Variants in BCHE observed in about 807,000 individuals in gnomAD.
BCHE encodes cholinesterase.
Under a neutral mutation model 51.3 loss-of-function variants are expected in BCHE, and 48 were observed. The observed-to-expected ratio is 0.94, with a 90% confidence interval of 0.74 to 1.19. BCHE has a LOEUF of 1.19. Among genes scored for constraint, BCHE ranks in the 50% most tolerant of loss-of-function variants. The pLI, the probability that BCHE is intolerant of heterozygous loss-of-function variation, is 0.00. For missense variants in BCHE, 847 were observed against 708.2 expected (o/e 1.20, Z -2.23); for synonymous variants, 251 against 238.0 (o/e 1.05, Z -0.50).
intron 2 of BCHE, among the ~76,000 whole-genome samples, chr3:165,798,741 T>G (rs1381354314): frequency 1.3e-5 from 2 of 152,158 alleles, no homozygotes; most frequent in Non-Finnish European, 2.9e-5. Flanking sequence ...CCTAGCTACT[T>G]GGGAAGCTGG....
Position 165,830,282 on chromosome 3 carries a change from T to C in BCHE, c.752A>G (p.Gln251Arg). 6.2e-7 allele frequency: 1 copy of C among 1,614,020 alleles called. No individual in the cohort carries two copies. The highest frequency in any genetic ancestry group is 8.5e-7 in the Non-Finnish European group (1 of 1,179,936). Reference sequence around the variant, plus strand: ...CCAAGGAGCATTAAAGGATCCACTTTGCAGAATGGCTCTGGTGAACAATGA... The same window carrying C: ...CCAAGGAGCATTAAAGGATCCACTTCGCAGAATGGCTCTGGTGAACAATGA... ...SHSLFTRAIL[Q>R]SGSFNAPWAV... Residue 251 changes from glutamine to arginine, a missense_variant, in exon 2 of 4, where the codon CAA (glutamine) becomes CGA (arginine). Coordinates refer to ENST00000264381, the MANE Select transcript of BCHE (RefSeq NM_000055.4).
chr3:165,835,837 T>G (rs1715169292), intron 1 of BCHE, among the ~76,000 whole-genome samples: 1 of 151,944 alleles, frequency 6.6e-6, no homozygotes, highest in African/African-American at 2.4e-5. Context: ...ATTTCTTGAG[T>G]CTTCTCTGAA....
At chr3:165,792,475 C>G (rs151233501) in intron 2 of BCHE, among the ~76,000 whole-genome samples, 37 of 152,072 alleles carry the variant, frequency 2.4e-4, no homozygotes, top group African/African-American at 8.9e-4. Context: ...TCATAAAACT[C>G]AAATACTAGA....
Position 165,829,781 on chromosome 3 carries a change from C to T in BCHE, c.1253G>A (p.Gly418Asp), listed in dbSNP as rs28933390. 6.2e-7 allele frequency: 1 copy of T among 1,613,904 alleles called. No homozygotes were observed. Among genetic ancestry groups the T allele is most frequent in the Non-Finnish European group, 8.5e-7 (1 of 1,179,896 alleles). Reference protein sequence around the residue: ...QRPENYREALGDVVGDYNFIC... With the variant: ...QRPENYREALDDVVGDYNFIC... The stretch of plus-strand genomic sequence containing the variant: ...GAAATTATAATCCCCAACAACATCA[C>T]CCAAGGCCTCACGGTAGTTTTCAGG... Residue 418 changes from glycine to aspartate, a missense_variant, in exon 2 of 4, where the codon GGT (glycine) becomes GAT (aspartate). Gly to Asp is a moderately conservative substitution (Grantham distance 94, BLOSUM62 -1). Transcript: ENST00000264381.
chr3:165,799,711 T>G (rs1713564425), intron 2 of BCHE, among the ~76,000 whole-genome samples: 1 of 152,122 alleles, frequency 6.6e-6, no homozygotes, highest in Non-Finnish European at 1.5e-5. Context: ...CATTGAACAT[T>G]GAATTTGTAA....
intron 2 of BCHE, among the ~76,000 whole-genome samples, chr3:165,790,020 G>C (rs1190205764): frequency 6.6e-6 from 1 of 152,088 alleles, no homozygotes. Flanking sequence ...ATAAAATGAG[G>C]ACTGGGGATA....
At chr3:165,786,416 C>G in intron 2 of BCHE, 105 bp from the exon 3 acceptor site, 3 of 1,138,046 alleles carry the variant, frequency 2.6e-6, no homozygotes, top group Non-Finnish European at 3.7e-6. Context: ...GAATTTAAGA[C>G]AGAAAAAATG....
intron 3 of BCHE, 70 bp downstream of exon 3, chr3:165,786,075 G>T: frequency 6.6e-7 from 1 of 1,508,618 alleles, no homozygotes; most frequent in Non-Finnish European, 9.2e-7. Context: ...GTGCCTTGGA[G>T]AGTATACTTC....
chr3:165,797,588 G>T (rs1713466912), intron 2 of BCHE, among the ~76,000 whole-genome samples: 1 of 151,716 alleles, frequency 6.6e-6, no homozygotes, highest in African/African-American at 2.4e-5. Context: ...TCAAATAATG[G>T]CACTAGAACA....
chr3:165,805,595 C>CCATG (rs1713836801), intron 2 of BCHE, among the ~76,000 whole-genome samples: 2 of 152,126 alleles, frequency 1.3e-5, no homozygotes, highest in Admixed American at 1.3e-4. Flanking sequence ...CATGTCTCTT[C>CCATG]ATATGATTCT....
chr3:165,794,481 G>A (rs1386231177), intron 2 of BCHE, among the ~76,000 whole-genome samples: 1 of 152,094 alleles, frequency 6.6e-6, no homozygotes, highest in Non-Finnish European at 1.5e-5. Context: ...CAAGGCATTG[G>A]CAACTTTGGT....
At position 165,829,856 on chromosome 3, in the gene BCHE, C is replaced by T. The variant is rs747438953; in HGVS notation, c.1178G>A (p.Gly393Glu). 6 of 1,612,654 alleles carry T rather than the reference C, an allele frequency of 3.7e-6. No homozygotes were observed. The highest frequency in any genetic ancestry group is 3.3e-5 in the South Asian group (3 of 90,936). Reference sequence around the variant, plus strand: ...GTAATGAAAAAGGATGGATTCCTTTCCAAACTCACTCACTCCTGGAAAAAA... The same window carrying T: ...GTAATGAAAAAGGATGGATTCCTTTTCAAACTCACTCACTCCTGGAAAAAA... ...KIFFPGVSEF[G>E]KESILFHYTD... The change falls in exon 2 of 4, where the codon GGA becomes GAA. Residue 393 changes from glycine to glutamate, a missense_variant. Physicochemically the swap from Gly to Glu is moderately conservative, Grantham distance 98. Transcript: ENST00000264381.
At chr3:165,832,540 C>A (rs1316173443) in intron 1 of BCHE, among the ~76,000 whole-genome samples, 2 of 152,138 alleles carry the variant, frequency 1.3e-5, no homozygotes, top group Non-Finnish European at 2.9e-5. Flanking sequence ...GATCCACTTA[C>A]CTCGGCCTCC....
In BCHE at chr3:165,830,551, C is replaced by T. The variant is rs779779259; in HGVS notation, c.483G>A (p.Leu161=). The part of the protein sequence containing the change: ...SSLHVYDGKF[L]ARVERVIVVS... ...CTACAATAACTCTTTCAACCCGAGC[C>T]AGAAACTTGCCATCATAAACATGTA... The change falls in exon 2 of 4, where the codon CTG becomes CTA. Residue 161 remains leucine (L), a synonymous_variant. Coordinates refer to ENST00000264381, the MANE Select transcript of BCHE (RefSeq NM_000055.4). The T allele has an allele frequency of 6.2e-7, 1 of 1,613,966 alleles. No homozygotes were observed. The highest frequency in any genetic ancestry group is 2.2e-5 in the East Asian group (1 of 44,864).
At position 165,810,700 on chromosome 3, in the gene BCHE, C is replaced by T. The variant is rs533290578; in HGVS notation, c.1517+18817G>A. ...GGGCTATCTGGAGAATTAAGTTCCT[C>T]CATTTGAAATGAATGGTAAGTTTTT... On this transcript the variant is annotated intron_variant, in intron 2 of 3. Transcript: ENST00000264381. Among the ~76,000 whole-genome samples the T allele has an allele frequency of 1.3e-3, 199 of 152,224 alleles. 1 individual carries two copies. Among genetic ancestry groups the T allele is most frequent in the African/African-American group, 4.5e-3 (187 of 41,550 alleles).
At chr3:165,799,996 C>G (rs1713574725) in intron 2 of BCHE, among the ~76,000 whole-genome samples, 1 of 135,876 alleles carries the variant, frequency 7.4e-6, no homozygotes, top group South Asian at 2.5e-4. Context: ...TCCCATTTAG[C>G]CTTCAATTAT....
chr3:165,798,271 C>CTG lies in BCHE; in HGVS notation c.1518-11962_1518-11961dup, dbSNP rs201791118. Among the ~76,000 whole-genome samples, 642 of 150,290 alleles carry CTG rather than the reference C, an allele frequency of 4.3e-3. 7 individuals are homozygous for CTG. In the East Asian group the frequency reaches 0.045, roughly 10 times the overall value. On this transcript the variant is annotated intron_variant, in intron 2 of 3. Coordinates refer to ENST00000264381, the MANE Select transcript of BCHE (RefSeq NM_000055.4). ...TCAAATGAAAAATCAAAGTGTGTGT[C>CTG]TGTGTGTGTGTGTGTGTAGGTGTAT...
intron 2 of BCHE, among the ~76,000 whole-genome samples, chr3:165,802,898 A>G (rs1267455225): frequency 1.3e-5 from 2 of 151,622 alleles, no homozygotes; most frequent in African/African-American, 4.8e-5. Context: ...CCCACCACCA[A>G]GCCCGGCTAA....
rs116059939 is a variant in BCHE at position 165,815,821 on chromosome 3, C to A, written c.1517+13696G>T. On this transcript the variant is annotated intron_variant, in intron 2 of 3. Transcript: ENST00000264381. ...ATACTTCTATGAATGTTCAAGGACA[C>A]ACAGAGAGCAGCACGTACATGTTTT... 5.8e-3 allele frequency among the ~76,000 whole-genome samples: 879 copies of A among 152,038 alleles called. 11 individuals are homozygous for A. The highest frequency in any genetic ancestry group is 0.021 in the African/African-American group (858 of 41,490).
Sources: allele counts gnomAD v4.1 joint callset (sites outside exome capture counted in the v4.1 genomes callset), GRCh38; gene constraint gnomAD v4.1.1; transcripts MANE v1.5; gene names NCBI Gene and HGNC (gene_info 2026-07-23, HGNC 2026-07-21).